Variants in ARL10 observed in about 807,000 individuals in gnomAD.
ARL10 encodes the protein ARF like GTPase 10.
Under a neutral mutation model 26.1 loss-of-function variants are expected in ARL10, and 23 were observed. The ratio of observed to expected loss-of-function variants is 0.88; its 90% CI spans 0.63 to 1.25. ARL10 has a LOEUF of 1.25. Ranked by LOEUF, ARL10 falls within the 50% of genes most tolerant of loss-of-function variation. The pLI is 0.00. For missense variants in ARL10, 300 were observed against 323.6 expected, an observed-to-expected ratio of 0.93 and a Z score of 0.56; for synonymous variants, 138 against 149.1, an observed-to-expected ratio of 0.93 and a Z score of 0.54.
the ARL10 span, among the ~76,000 whole-genome samples, chr5:176,411,209 T>C: frequency 6.6e-6 from 1 of 152,244 alleles, no homozygotes; most frequent in Non-Finnish European, 1.5e-5. Flanking sequence ...AACGACTGCA[T>C]GGCTTTTGCC....
the ARL10 span, among the ~76,000 whole-genome samples, chr5:176,411,972 C>T: frequency 3.3e-5 from 5 of 152,000 alleles, no homozygotes; most frequent in South Asian, 2.1e-4. Flanking sequence ...GTCAGGAGAT[C>T]GAGACCATCC....
In ARL10 at chr5:176,367,843, C is replaced by T; in HGVS notation, c.386-964C>T. The T allele has an allele frequency of 6.0e-6, 3 of 502,280 alleles. No homozygotes were observed. In the East Asian group the frequency reaches 1.7e-4, roughly 28 times the overall value. The allele number at this position is 502,280 out of a possible 1,614,324, so 31.1% of individuals were successfully genotyped here. A position where few individuals can be genotyped will look rare whatever the true frequency, so the allele number is the denominator to read the frequency against. On this transcript the variant is annotated intron_variant, in intron 2 of 3. Transcript: ENST00000310389. ...TCCCTTTTTTCTGTTTTATTTCTTT[C>T]CTTTTTGAAATGTGTTGATGTCATT... is the stretch of plus-strand genomic sequence containing the variant.
In ARL10 at chr5:176,380,635, T is replaced by A. The variant is rs1416242938; in HGVS notation, c.*8740T>A. 6.6e-6 allele frequency: 1 copy of A among 151,894 alleles called. No homozygotes were observed. The highest frequency in any genetic ancestry group is 1.5e-5 in the Non-Finnish European group (1 of 68,002). 9.4% of individuals were successfully genotyped at this position (151,894 alleles called of 1,614,324 possible). ...GAGTAGCTGCGATCGATCACAGGTG[T>A]GCACCACCGCCCAGCTAATTTTTGT... On this transcript the variant is annotated 3_prime_UTR_variant, in exon 4 of 4. Coordinates refer to ENST00000310389, the MANE Select transcript of ARL10 (RefSeq NM_173664.6).
rs1006360971 is a variant in ARL10 at position 176,399,499 on chromosome 5, C to T, written c.134-2242C>T. Among the ~76,000 whole-genome samples the T allele has an allele frequency of 6.6e-5, 10 of 152,102 alleles. No individual in the cohort carries two copies. The East Asian group carries it at 7.7e-4, about 12-fold the overall frequency. On this transcript the variant is annotated intron_variant, in intron 1 of 1. Transcript: ENST00000514533. ...GCTCATGCCTATAATCCCAGCACTT[C>T]GGGAGGCCAAGGCAGGAGGATCACT...
intron 1 of ARL10, among the ~76,000 whole-genome samples, chr5:176,394,269 A>G (rs1756387949): frequency 6.6e-6 from 1 of 152,226 alleles, no homozygotes; most frequent in South Asian, 2.1e-4. Context: ...GTCCAATGGC[A>G]TCAGCATGAC....
downstream of ARL10, chr5:176,405,510 AAAAAG>A (rs796669293): frequency 6.6e-6 from 1 of 150,572 alleles, no homozygotes; most frequent in Non-Finnish European, 1.5e-5. Flanking sequence ...AAAAAAAAAG[AAAAAG>A]AAAAAGAAAA....
chr5:176,390,419 C>T (rs138794494), downstream of ARL10, among the ~76,000 whole-genome samples: 4 of 152,114 alleles, frequency 2.6e-5, no homozygotes, highest in African/African-American at 9.6e-5. Context: ...TATGGGGCTC[C>T]ACTGATCTAG....
rs1304889225 is a variant in ARL10, at chr5:176,375,261, CACCCA to C, written c.*3367_*3371del. 23 of 136,138 alleles carry C rather than the reference CACCCA, an allele frequency of 1.7e-4. No homozygotes were observed. Among genetic ancestry groups the C allele is most frequent in the Admixed American group, 3.8e-4 (5 of 13,010 alleles). 8.4% of individuals were successfully genotyped at this position (136,138 alleles called of 1,614,324 possible). A position where few individuals can be genotyped will look rare whatever the true frequency, so the allele number is the denominator to read the frequency against. On this transcript the variant is annotated 3_prime_UTR_variant, in exon 4 of 4. Transcript: ENST00000310389. ...CCATCCATCCATCCTTCCATCCATC[CACCCA>C]TCCACCCATCCATCCATCCACCCAT... is the stretch of plus-strand genomic sequence containing the variant.
At chr5:176,391,088 AC>A (rs1466691302), downstream of ARL10, among the ~76,000 whole-genome samples, 1 of 151,298 alleles carries the variant, frequency 6.6e-6, no homozygotes, top group South Asian at 2.1e-4. Flanking sequence ...CCCTTCTTGA[AC>A]CCCCCAACAG....
At chr5:176,404,597 C>A (rs1410908337), downstream of ARL10, among the ~76,000 whole-genome samples, 1 of 152,214 alleles carries the variant, frequency 6.6e-6, no homozygotes, top group African/African-American at 2.4e-5. Flanking sequence ...GAAACTCAGC[C>A]CCCACGGTGT....
At chr5:176,397,856 G>A in intron 1 of ARL10, 1 of 1,473,128 alleles carries the variant, frequency 6.8e-7, no homozygotes, top group Non-Finnish European at 9.5e-7. Flanking sequence ...AGCATCCCAT[G>A]CACTCCGAGG....
At chr5:176,367,271 A>G (rs1768348987) in intron 2 of ARL10, among the ~76,000 whole-genome samples, 1 of 150,866 alleles carries the variant, frequency 6.6e-6, no homozygotes, top group Non-Finnish European at 1.5e-5. Flanking sequence ...GACCTCCCAA[A>G]GTGCTGGGAT....
intron 1 of ARL10, chr5:176,397,875 C>T (rs977211754): frequency 1.0e-5 from 16 of 1,527,722 alleles, no homozygotes; most frequent in Non-Finnish European, 1.4e-5. Context: ...GGACTCCCCA[C>T]ACTCCACCCC....
In ARL10 at chr5:176,374,413, C is replaced by T. The variant is rs1283518678; in HGVS notation, c.*2518C>T. 6.6e-6 allele frequency: 1 copy of T among 152,144 alleles called. No individual in the cohort carries two copies. Among genetic ancestry groups the T allele is most frequent in the African/African-American group, 2.4e-5 (1 of 41,406 alleles). The allele number at this position is 152,144 out of a possible 1,614,324, so 9.4% of individuals were successfully genotyped here. ...GTCTTCATGTTTCTGTTACTCTAAC[C>T]GTAATGAGACCATTTGAGGTACAAA... is the stretch of plus-strand genomic sequence containing the variant. On this transcript the variant is annotated 3_prime_UTR_variant, in exon 4 of 4. Coordinates refer to ENST00000310389, the MANE Select transcript of ARL10 (RefSeq NM_173664.6).
downstream of ARL10, chr5:176,406,383 G>A (rs2113665340): frequency 2.6e-6 from 3 of 1,136,472 alleles, no homozygotes; most frequent in East Asian, 1.6e-4. Context: ...CCACCCATGA[G>A]AACCTCTGTG....
chr5:176,405,985 C>T (rs958946177), downstream of ARL10, among the ~76,000 whole-genome samples: 10 of 152,052 alleles, frequency 6.6e-5, no homozygotes, highest in Admixed American at 2.6e-4. Flanking sequence ...GCTGGCCCTC[C>T]GTGCACCATG....
At chr5:176,386,659 G>A, downstream of ARL10, 4 of 700,258 alleles carry the variant, frequency 5.7e-6, no homozygotes, top group South Asian at 6.0e-5. Context: ...TCAGGGTTTA[G>A]TCAGTACAAT....
the ARL10 span, among the ~76,000 whole-genome samples, chr5:176,407,820 T>C: frequency 1.3e-5 from 2 of 152,178 alleles, no homozygotes; most frequent in Non-Finnish European, 2.9e-5. Flanking sequence ...AGAGATGGAC[T>C]TTTCCAGCTT....
chr5:176,394,901 C>G (rs563534394), intron 1 of ARL10, among the ~76,000 whole-genome samples: 2 of 152,276 alleles, frequency 1.3e-5, no homozygotes, highest in African/African-American at 4.8e-5. Flanking sequence ...TCCTCAGGCT[C>G]AACAGAAGCA....
Sources: allele counts gnomAD v4.1 joint callset (sites outside exome capture counted in the v4.1 genomes callset), GRCh38; gene constraint gnomAD v4.1.1; transcripts MANE v1.5; gene names NCBI Gene and HGNC (gene_info 2026-07-23, HGNC 2026-07-21).